RYR2: variants seen among roughly 807,000 people sequenced by gnomAD.
RYR2 encodes the protein cardiac muscle ryanodine receptor-calcium release channel.
Under a neutral mutation model 601.1 loss-of-function variants are expected in RYR2, and 227 were observed. That is an observed-to-expected ratio of 0.38 (90% CI 0.34 to 0.42). The LOEUF (loss-of-function observed/expected upper bound fraction) is 0.42. RYR2 is among the 10% of genes least tolerant of loss of function. RYR2 has a pLI of 1.00. For missense variants in RYR2, 4,646 were observed against 6,156.5 expected (o/e 0.75, Z 8.21); for synonymous variants, 2,223 against 2,175.1 (o/e 1.02, Z -0.61).
intron 1 of RYR2, among the ~76,000 whole-genome samples, chr1:237,261,204 T>G (rs1318460668): frequency 1.3e-5 from 2 of 152,228 alleles, no homozygotes; most frequent in Non-Finnish European, 1.5e-5. Context: ...CTACTTCCAC[T>G]GCTACCATTC....
intron 4 of RYR2, among the ~76,000 whole-genome samples, chr1:237,362,359 C>T (rs1236956690): frequency 6.6e-6 from 1 of 152,176 alleles, no homozygotes; most frequent in Non-Finnish European, 1.5e-5. Context: ...TATTGAACTT[C>T]TCATTAGTGA....
chr1:237,118,875 C>T (rs180716990), intron 1 of RYR2, among the ~76,000 whole-genome samples: 11 of 151,662 alleles, frequency 7.3e-5, no homozygotes, highest in East Asian at 3.9e-4. Flanking sequence ...TTAAAGAAAC[C>T]GGAACTACTT....
chr1:237,500,350 T>C (rs547769420), intron 20 of RYR2, among the ~76,000 whole-genome samples: 7 of 152,140 alleles, frequency 4.6e-5, no homozygotes, highest in Non-Finnish European at 1.0e-4. Flanking sequence ...TTGGTTATGG[T>C]CTTACAAGTA....
At chr1:237,628,133 T>C in intron 41 of RYR2, 53 bp downstream of exon 41, 1 of 1,584,874 alleles carries the variant, frequency 6.3e-7, no homozygotes, top group Non-Finnish European at 8.6e-7. Flanking sequence ...TTCTAATTGT[T>C]ATACCTATAG....
intron 3 of RYR2, among the ~76,000 whole-genome samples, chr1:237,337,140 T>C (rs1208633193): frequency 6.6e-6 from 1 of 151,148 alleles, no homozygotes; most frequent in Non-Finnish European, 1.5e-5. Flanking sequence ...TAATCCCAGC[T>C]ACTTGGGAGG....
At chr1:237,506,892 C>A in intron 23 of RYR2, 78 bp downstream of exon 23, 1 of 1,162,636 alleles carries the variant, frequency 8.6e-7, no homozygotes, top group Non-Finnish European at 1.3e-6. Flanking sequence ...CCTTTTCCCG[C>A]TATGGGGTGA....
chr1:237,809,392 C>T (rs1433276483), intron 100 of RYR2, among the ~76,000 whole-genome samples: 2 of 152,160 alleles, frequency 1.3e-5, no homozygotes, highest in African/African-American at 4.8e-5. Context: ...ACCTTAATGA[C>T]TTTAACTGAA....
chr1:237,454,612 C>T, intron 15 of RYR2, 38 bp downstream of exon 15: 2 of 1,595,196 alleles, frequency 1.3e-6, no homozygotes, highest in Non-Finnish European at 1.7e-6. Context: ...TTCTGTTATT[C>T]TCTTGTAAAA....
chr1:237,795,260 A>G (rs199755165), intron 95 of RYR2, 29 bp from the exon 96 acceptor site: 7 of 1,102,972 alleles, frequency 6.3e-6, no homozygotes, highest in African/African-American at 1.6e-5. Context: ...AAATAATACT[A>G]TTTACTTCTA....
chr1:237,725,290 AT>A (rs1261946570), intron 74 of RYR2, among the ~76,000 whole-genome samples: 3 of 152,086 alleles, frequency 2.0e-5, no homozygotes, highest in African/African-American at 7.2e-5. Context: ...GTTAAAAGAA[AT>A]TGTCGATTAT....
chr1:237,313,268 G>A (rs957082363), intron 2 of RYR2, among the ~76,000 whole-genome samples: 3 of 151,960 alleles, frequency 2.0e-5, no homozygotes, highest in East Asian at 1.9e-4. Flanking sequence ...ATCCAGTTTC[G>A]AATTCAGGGA....
intron 1 of RYR2, among the ~76,000 whole-genome samples, chr1:237,100,557 T>A (rs1445953723): frequency 2.6e-5 from 4 of 152,040 alleles, no homozygotes; most frequent in African/African-American, 9.7e-5. Context: ...CGGCTATTTC[T>A]GTATTTTTAG....
chr1:237,745,580 A>G (rs1010637505), intron 80 of RYR2, among the ~76,000 whole-genome samples: 1 of 152,198 alleles, frequency 6.6e-6, no homozygotes, highest in Non-Finnish European at 1.5e-5. Context: ...AAATTTAGTG[A>G]CATTAGAAAG....
In RYR2 at chr1:237,566,572, A is replaced by G. The variant is rs1559038380; in HGVS notation, c.3220A>G (p.Arg1074Gly). ...LEAPDQDHAARAEVCSGTGER... is the reference protein window; with the variant it reads ...LEAPDQDHAAGAEVCSGTGER... ...AATCTCTGTCCATTTCCCAGCAGCCAGAGCCGAAGTGTGCAGCGGCACCGG... is the reference window on the plus strand; with the variant it reads ...AATCTCTGTCCATTTCCCAGCAGCCGGAGCCGAAGTGTGCAGCGGCACCGG... The change falls in exon 28 of 105, where the codon AGA (arginine) becomes GGA (glycine). Residue 1074 changes from arginine (R) to glycine (G), a missense_variant. By Grantham distance (125) the Arg-to-Gly change is moderately radical. This residue lies in a region of RYR2 where 1,807 missense variants were observed against 2,088.1 expected (regional missense o/e 0.87). Transcript: ENST00000366574. 1 of 1,612,644 alleles carries G rather than the reference A, an allele frequency of 6.2e-7. No individual in the cohort carries two copies. Among genetic ancestry groups the G allele is most frequent in the Non-Finnish European group, 8.5e-7 (1 of 1,178,908 alleles).
chr1:237,599,149 A>G (rs912001623), intron 34 of RYR2, among the ~76,000 whole-genome samples: 3 of 152,204 alleles, frequency 2.0e-5, no homozygotes, highest in African/African-American at 4.8e-5. Context: ...AAAAGTCTCT[A>G]TCAAAGAAAA....
chr1:237,154,785 A>T (rs960973228), intron 1 of RYR2, among the ~76,000 whole-genome samples: 1 of 152,222 alleles, frequency 6.6e-6, no homozygotes, highest in Admixed American at 6.5e-5. Flanking sequence ...ATATGTATGT[A>T]TGTTTTTCCT....
intron 25 of RYR2, among the ~76,000 whole-genome samples, chr1:237,543,551 C>A (rs1669515671): frequency 6.6e-6 from 1 of 152,136 alleles, no homozygotes; most frequent in Admixed American, 6.5e-5. Flanking sequence ...TTCCAAGGTA[C>A]TTGAAGGGCT....
rs772056240 is a variant in RYR2 at position 237,042,507 on chromosome 1, A to G, written c.-15A>G. ...CGGGGCTCGGGAGCCGGCCCCGGCG[A>G]GGAGGCGCGGAACCATGGCCGATGG... On this transcript the variant is annotated 5_prime_UTR_variant, in exon 1 of 105. Transcript: ENST00000366574. 8.7e-5 allele frequency: 109 copies of G among 1,249,748 alleles called. No individual in the cohort carries two copies. The East Asian group carries it at 3.4e-3, about 39-fold the overall frequency. 77.4% of individuals were successfully genotyped at this position (1,249,748 alleles called of 1,614,324 possible). A position where few individuals can be genotyped will look rare whatever the true frequency, so the allele number is the denominator to read the frequency against.
Position 237,789,030 on chromosome 1 carries a change from A to G in RYR2, c.13476+895A>G, listed in dbSNP as rs139941667. Among the ~76,000 whole-genome samples the G allele has an allele frequency of 4.0e-5, 6 of 151,466 alleles. No individual in the cohort carries two copies. The East Asian group carries it at 5.8e-4, about 15-fold the overall frequency. ...ATTATATGTGTATATATGTATAATT[A>G]TATGTGTGTATATATGCATAATTTT... On this transcript the variant is annotated intron_variant, in intron 92 of 104. Transcript: ENST00000366574.
Sources: gnomAD v4.1 joint callset for allele counts (sites outside exome capture counted in the v4.1 genomes callset) on GRCh38, gnomAD v4.1.1 for gene constraint, gnomAD v4.1.1 regional missense constraint, MANE v1.5 for transcripts, NCBI Gene and HGNC (gene_info 2026-07-23, HGNC 2026-07-21) for gene names.